MED23: variants seen among roughly 807,000 people sequenced by gnomAD.
The protein encoded by MED23 is mediator complex subunit 23.
Under a neutral mutation model 163.9 loss-of-function variants are expected in MED23, and 105 were observed. That is an observed-to-expected ratio of 0.64 (90% CI 0.55 to 0.75). The LOEUF is 0.75. MED23 is among the 30% of genes least tolerant of loss of function. MED23 has a pLI of 0.00. For synonymous variants in MED23, 561 were observed against 565.6 expected (o/e 0.99, Z 0.12); for missense variants, 1,054 against 1,649.0 (o/e 0.64, Z 6.25).
chr6:131,594,834 AAAC>A (rs752399086), intron 22 of MED23, among the ~76,000 whole-genome samples: 45,676 of 146,894 alleles, frequency 0.31, 8,384 homozygotes, highest in East Asian at 0.49. Context: ...ACAAACAAAC[AAAC>A]AAAACCAGCC....
intron 30 of MED23, chr6:131,576,802 T>C: frequency 7.2e-7 from 1 of 1,387,028 alleles, no homozygotes. Context: ...AGCAGGCCCC[T>C]GTGAACCTGG....
At chr6:131,583,009 C>A, downstream of MED23, 1 of 1,313,860 alleles carries the variant, frequency 7.6e-7, no homozygotes, top group East Asian at 2.5e-5. Flanking sequence ...AGGAGACAGG[C>A]GGGCACAGTC....
chr6:131,624,057 C>T (rs1389599278), intron 4 of MED23, among the ~76,000 whole-genome samples: 1 of 152,160 alleles, frequency 6.6e-6, no homozygotes, highest in Admixed American at 6.5e-5. Context: ...AGAAGTCTAT[C>T]TAAAGCTTTC....
intron 30 of MED23, among the ~76,000 whole-genome samples, chr6:131,580,528 C>T (rs576367101): frequency 3.4e-4 from 51 of 152,158 alleles, no homozygotes; most frequent in Non-Finnish European, 6.6e-4. Context: ...AACCGCAATA[C>T]TTTTGCACCA....
downstream of MED23, chr6:131,582,808 C>G: frequency 9.7e-7 from 1 of 1,031,776 alleles, no homozygotes; most frequent in Non-Finnish European, 1.5e-6. Context: ...GAAAATTAAA[C>G]ATCAAGACAC....
chr6:131,627,619 ACT>A lies in MED23; in HGVS notation c.71+20_71+21del. On this transcript the variant is annotated intron_variant, in intron 2 of 28. Transcript: ENST00000368068. ...AGACACAATCACATAAAAACACAAA[ACT>A]CTGCCACGCATACACTCACCCAGGA... is the stretch of plus-strand genomic sequence containing the variant. The A allele has an allele frequency of 1.2e-6, 2 of 1,612,278 alleles. No homozygotes were observed. The highest frequency in any genetic ancestry group is 2.2e-5 in the South Asian group (2 of 90,920).
In MED23 at chr6:131,586,764, C is replaced by T; in HGVS notation, c.*915G>A. On this transcript the variant is annotated 3_prime_UTR_variant, in exon 29 of 29. Transcript: ENST00000368068. Reference sequence around the variant, plus strand: ...ACAATCACACGGTTTATTCATTCAGCAGACTTTACTCATTAGTTTTCAAGT... The same window carrying T: ...ACAATCACACGGTTTATTCATTCAGTAGACTTTACTCATTAGTTTTCAAGT... 4 of 1,471,760 alleles carry T rather than the reference C, an allele frequency of 2.7e-6. No individual in the cohort carries two copies. The highest frequency in any genetic ancestry group is 3.6e-6 in the Non-Finnish European group (4 of 1,099,430). The allele number at this position is 1,471,760 out of a possible 1,614,324, so 91.2% of individuals were successfully genotyped here.
chr6:131,622,374 A>T lies in MED23; in HGVS notation c.397-395T>A, dbSNP rs543732476. Among the ~76,000 whole-genome samples the T allele has an allele frequency of 3.9e-4, 59 of 152,076 alleles. No individual in the cohort carries two copies. In the South Asian group the frequency reaches 0.012, roughly 31 times the overall value. ...TTTTGGTAGAGGACTGTTTCTGCTCACTCCCTTTTGTGCTGGGATTATAGG... is the reference window on the plus strand; with the variant it reads ...TTTTGGTAGAGGACTGTTTCTGCTCTCTCCCTTTTGTGCTGGGATTATAGG... On this transcript the variant is annotated intron_variant, in intron 5 of 28. Coordinates refer to ENST00000368068, the MANE Select transcript of MED23 (RefSeq NM_004830.4).
chr6:131,598,113 A>T lies in MED23; in HGVS notation c.2607+174T>A. On this transcript the variant is annotated intron_variant, in intron 20 of 28. Transcript: ENST00000368068. The surrounding 1 kb of genome is among the most constrained non-coding windows in gnomAD (Gnocchi z 4.7). The stretch of plus-strand genomic sequence containing the variant: ...TCAAAAAACAAACAAAAAAACAAAA[A>T]CAAACAAAAACAGAAATTGGAAAAT... 1 of 723,110 alleles carries T rather than the reference A, an allele frequency of 1.4e-6. No individual in the cohort carries two copies. Among genetic ancestry groups the T allele is most frequent in the South Asian group, 1.9e-5 (1 of 53,486 alleles). 44.8% of individuals were successfully genotyped at this position (723,110 alleles called of 1,614,324 possible). A position where few individuals can be genotyped will look rare whatever the true frequency, so the allele number is the denominator to read the frequency against.
Position 131,587,034 on chromosome 6 carries a change from T to C in MED23, c.*645A>G. On this transcript the variant is annotated 3_prime_UTR_variant, in exon 29 of 29. Coordinates refer to ENST00000368068, the MANE Select transcript of MED23 (RefSeq NM_004830.4). ...CAAGAATTTTCAGATGTTATTTTCTTACATGGCTTCCAACTAATTTTATAC... is the reference window on the plus strand; with the variant it reads ...CAAGAATTTTCAGATGTTATTTTCTCACATGGCTTCCAACTAATTTTATAC... 1 of 1,434,336 alleles carries C rather than the reference T, an allele frequency of 7.0e-7. No homozygotes were observed. The allele number at this position is 1,434,336 out of a possible 1,614,324, so 88.9% of individuals were successfully genotyped here.
chr6:131,613,528 T>C (rs1217574222), intron 10 of MED23, among the ~76,000 whole-genome samples: 4 of 152,132 alleles, frequency 2.6e-5, no homozygotes, highest in Non-Finnish European at 5.9e-5. Context: ...TAAGATGACT[T>C]GGTTATCTTT....
At chr6:131,593,993 T>C in intron 23 of MED23, 106 bp downstream of exon 23, 1 of 967,780 alleles carries the variant, frequency 1.0e-6, no homozygotes, top group African/African-American at 1.7e-5. Context: ...TTAAAAAAAA[T>C]TAAAACCTTG....
chr6:131,582,922 C>A, downstream of MED23: 1 of 776,378 alleles, frequency 1.3e-6, no homozygotes. Context: ...AAAATAAATA[C>A]AAATAAAACT....
In MED23 at chr6:131,599,977, C is replaced by T. The variant is rs550155570; in HGVS notation, c.2220+61G>A. On this transcript the variant is annotated intron_variant, in intron 18 of 28. Coordinates refer to ENST00000368068, the MANE Select transcript of MED23 (RefSeq NM_004830.4). ...AGTCACCAAGACTCACTCTAGAACA[C>T]CATTGTGAATGGGAAGAAGGATTTC... 2.8e-5 allele frequency: 45 copies of T among 1,584,564 alleles called. 1 individual carries two copies. In the South Asian group the frequency reaches 4.9e-4, roughly 17 times the overall value.
rs1773620388 is a variant in MED23 at position 131,576,529 on chromosome 6, G to A, written c.4096-2234C>T. The A allele has an allele frequency of 1.7e-5, 14 of 809,600 alleles. No homozygotes were observed. The East Asian group carries it at 3.4e-4, about 20-fold the overall frequency. 50.2% of individuals were successfully genotyped at this position (809,600 alleles called of 1,614,324 possible). A position where few individuals can be genotyped will look rare whatever the true frequency, so the allele number is the denominator to read the frequency against. On this transcript the variant is annotated intron_variant, in intron 30 of 30. Coordinates refer to the MED23 transcript ENST00000354577. ...TGCTGTGAAGATTAAAAGAGATGAT[G>A]TAAATTCCTGGCTCTGTAGGAGCTC... is the stretch of plus-strand genomic sequence containing the variant.
At position 131,589,464 on chromosome 6, in the gene MED23, C is replaced by T; in HGVS notation, c.3939+1G>A. 2 of 1,612,380 alleles carry T rather than the reference C, an allele frequency of 1.2e-6. No individual in the cohort carries two copies. The highest frequency in any genetic ancestry group is 1.3e-5 in the African/African-American group (1 of 74,982). On this transcript the variant is annotated splice_donor_variant, in intron 28 of 28. Coordinates refer to ENST00000368068, the MANE Select transcript of MED23 (RefSeq NM_004830.4). LOFTEE classifies it high-confidence loss of function. ...AAAATAATTAAACAAATTCAACTTA[C>T]TTGCTCTTTCACGCTGTCACCAGTA...
chr6:131,584,204 A>G (rs2114553041), downstream of MED23: 6 of 378,992 alleles, frequency 1.6e-5, no homozygotes, highest in South Asian at 1.5e-4. Context: ...GCACACTTAC[A>G]TAAGCCCCCA....
intron 3 of MED23, among the ~76,000 whole-genome samples, chr6:131,625,780 G>C (rs1023299847): frequency 6.6e-6 from 1 of 151,914 alleles, no homozygotes; most frequent in Non-Finnish European, 1.5e-5. Context: ...TCATGTTTTT[G>C]ATTGGCAAAG....
chr6:131,589,622 T>C (rs760961857), intron 27 of MED23, 26 bp from the exon 28 acceptor site: 15 of 1,610,470 alleles, frequency 9.3e-6, no homozygotes, highest in Non-Finnish European at 1.3e-5. Flanking sequence ...TGTAAAATTA[T>C]TTAAGTGATC....
Sources: allele counts gnomAD v4.1 joint callset (sites outside exome capture counted in the v4.1 genomes callset), GRCh38; gene constraint gnomAD v4.1.1; non-coding constraint Gnocchi (gnomAD v3.1); transcripts MANE v1.5; gene names NCBI Gene and HGNC (gene_info 2026-07-23, HGNC 2026-07-21).